INPP5A: variants seen among roughly 807,000 people sequenced by gnomAD.
INPP5A encodes the protein 43 kDa inositol polyphosphate 5-phophatase.
In INPP5A, 14 loss-of-function variants were observed where a neutral mutation model predicts 65.2. The observed-to-expected ratio is 0.21, with a 90% CI of 0.14 to 0.34. INPP5A has a LOEUF of 0.34. INPP5A is among the 10% of genes least tolerant of loss of function. The pLI is 1.00. For missense variants in INPP5A, 431 were observed against 545.6 expected, an observed-to-expected ratio of 0.79 and a Z score of 2.09; for synonymous variants, 207 against 208.3, an observed-to-expected ratio of 0.99 and a Z score of 0.05.
intron 4 of INPP5A, among the ~76,000 whole-genome samples, chr10:132,672,857 C>T (rs899279574): frequency 6.6e-6 from 1 of 152,204 alleles, no homozygotes; most frequent in African/African-American, 2.4e-5. Flanking sequence ...CTTCTACTGT[C>T]CATTCTGTAT....
At chr10:132,730,542 C>G (rs888154290) in intron 9 of INPP5A, among the ~76,000 whole-genome samples, 2 of 152,264 alleles carry the variant, frequency 1.3e-5, no homozygotes, top group African/African-American at 4.8e-5. Flanking sequence ...GGAAGAGCAG[C>G]TCCTGCGTGC....
rs1038000615 is a variant in INPP5A at position 132,707,307 on chromosome 10, G to A, written c.475-1006G>A. Among the ~76,000 whole-genome samples, 1 of 152,064 alleles carries A rather than the reference G, an allele frequency of 6.6e-6. No homozygotes were observed. Among genetic ancestry groups the A allele is most frequent in the Non-Finnish European group, 1.5e-5 (1 of 68,026 alleles). ...GGCTGCTGCTGGGAACGGAATGGGCGGTGCCCTGCCCTGTTGGCTGCCGTT... is the reference window on the plus strand; with the variant it reads ...GGCTGCTGCTGGGAACGGAATGGGCAGTGCCCTGCCCTGTTGGCTGCCGTT... On this transcript the variant is annotated intron_variant, in intron 6 of 15. Transcript: ENST00000368594. This position sits in a 1 kb window ranked among gnomAD's most constrained non-coding sequence, Gnocchi z 5.5.
At chr10:132,592,649 C>T (rs189140704) in intron 1 of INPP5A, among the ~76,000 whole-genome samples, 19 of 152,328 alleles carry the variant, frequency 1.2e-4, no homozygotes, top group Admixed American at 5.9e-4. Flanking sequence ...TCAGGTGATC[C>T]GCCCGCCTTG....
Position 132,782,941 on chromosome 10 carries a change from T to C in INPP5A, c.*912T>C, listed in dbSNP as rs1030170293. ...AAACCGTTTGTCTGTCTTTTGTTACTGTTTTATGGTGCCAAGTATCCTACG... is the reference window on the plus strand; with the variant it reads ...AAACCGTTTGTCTGTCTTTTGTTACCGTTTTATGGTGCCAAGTATCCTACG... On this transcript the variant is annotated 3_prime_UTR_variant, in exon 16 of 16. Coordinates refer to ENST00000368594, the MANE Select transcript of INPP5A (RefSeq NM_005539.5). This position sits in a 1 kb window ranked among gnomAD's most constrained non-coding sequence, Gnocchi z 4.4. The C allele has an allele frequency of 2.0e-5, 3 of 152,470 alleles. No homozygotes were observed. Among genetic ancestry groups the C allele is most frequent in the African/African-American group, 4.8e-5 (2 of 41,468 alleles). The allele number at this position is 152,470 out of a possible 1,614,324, so 9.4% of individuals were successfully genotyped here.
intron 4 of INPP5A, among the ~76,000 whole-genome samples, chr10:132,690,149 C>T (rs563182833): frequency 6.6e-6 from 1 of 152,244 alleles, no homozygotes; most frequent in African/African-American, 2.4e-5. Context: ...GCCCGTGGGA[C>T]TTGCGTCCCT....
intron 12 of INPP5A, among the ~76,000 whole-genome samples, chr10:132,775,842 C>G (rs891028309): frequency 1.3e-5 from 2 of 152,182 alleles, no homozygotes; most frequent in East Asian, 3.9e-4. Context: ...TCTCCGTGCC[C>G]CCAGGGGACG....
chr10:132,660,243 A>G (rs141828072), intron 4 of INPP5A, among the ~76,000 whole-genome samples: 153 of 152,374 alleles, frequency 1.0e-3, no homozygotes, highest in African/African-American at 3.5e-3. Context: ...GGAAAAATTG[A>G]AAAATCAATG....
chr10:132,698,762 T>C lies in INPP5A; in HGVS notation c.474+843T>C, dbSNP rs750106730. On this transcript the variant is annotated intron_variant, in intron 6 of 15. Transcript: ENST00000368594. This position sits in a 1 kb window ranked among gnomAD's most constrained non-coding sequence, Gnocchi z 5.5. Reference sequence around the variant, plus strand: ...CCAGGCTGTGATATAGGAGCTCTCGTCCGGACTTGTCTGCGCAGGCAGCCC... The same window carrying C: ...CCAGGCTGTGATATAGGAGCTCTCGCCCGGACTTGTCTGCGCAGGCAGCCC... Among the ~76,000 whole-genome samples the C allele has an allele frequency of 2.6e-5, 4 of 152,330 alleles. No individual in the cohort carries two copies. Among genetic ancestry groups the C allele is most frequent in the South Asian group, 4.1e-4 (2 of 4,828 alleles).
chr10:132,701,357 G>T (rs1845433980), intron 6 of INPP5A, among the ~76,000 whole-genome samples: 1 of 152,230 alleles, frequency 6.6e-6, no homozygotes, highest in African/African-American at 2.4e-5. Flanking sequence ...CGGAGCCACG[G>T]CCGTCCCATC....
intron 4 of INPP5A, among the ~76,000 whole-genome samples, chr10:132,683,356 A>C (rs756895800): frequency 2.6e-5 from 4 of 151,870 alleles, no homozygotes; most frequent in Non-Finnish European, 4.4e-5. Context: ...TCTGTGTATT[A>C]TATACATATG....
intron 12 of INPP5A, among the ~76,000 whole-genome samples, chr10:132,774,775 G>C (rs1019086036): frequency 6.6e-6 from 1 of 151,374 alleles, no homozygotes; most frequent in Non-Finnish European, 1.5e-5. Flanking sequence ...CTACACAGGG[G>C]CTGCTGCCCG....
chr10:132,601,153 T>C (rs1012127298), intron 1 of INPP5A, among the ~76,000 whole-genome samples: 5 of 152,250 alleles, frequency 3.3e-5, no homozygotes, highest in African/African-American at 9.6e-5. Flanking sequence ...TTATTTTCTC[T>C]TTTCAATTTT....
intron 1 of INPP5A, among the ~76,000 whole-genome samples, chr10:132,568,947 G>A (rs2071305336): frequency 8.0e-6 from 1 of 124,520 alleles, no homozygotes; most frequent in Admixed American, 1.1e-4. Context: ...ACGGAATCTC[G>A]CTCGGTCACC....
At position 132,706,206 on chromosome 10, in the gene INPP5A, GTGTT is replaced by G. The variant is rs1218612295; in HGVS notation, c.475-2100_475-2097del. On this transcript the variant is annotated intron_variant, in intron 6 of 15. Coordinates refer to ENST00000368594, the MANE Select transcript of INPP5A (RefSeq NM_005539.5). This position sits in a 1 kb window ranked among gnomAD's most constrained non-coding sequence, Gnocchi z 4.7. ...ACATAGTCAAGACGGACAAAGATTT[GTGTT>G]TGTTTGGTTGTTTGTATGTTTTTTA... 3.3e-5 allele frequency among the ~76,000 whole-genome samples: 5 copies of G among 152,312 alleles called. No individual in the cohort carries two copies. The highest frequency in any genetic ancestry group is 4.8e-5 in the African/African-American group (2 of 41,564).
Position 132,676,647 on chromosome 10 carries a change from G to A in INPP5A, c.307-13745G>A, listed in dbSNP as rs1181798244. On this transcript the variant is annotated intron_variant, in intron 4 of 15. Coordinates refer to ENST00000368594, the MANE Select transcript of INPP5A (RefSeq NM_005539.5). This position sits in a 1 kb window ranked among gnomAD's most constrained non-coding sequence, Gnocchi z 4.0. ...CCAGTGCTCCGCTCCCTGCGCCCCTGATGAGATGGCAGCCCTGGGCACCTG... is the reference window on the plus strand; with the variant it reads ...CCAGTGCTCCGCTCCCTGCGCCCCTAATGAGATGGCAGCCCTGGGCACCTG... Among the ~76,000 whole-genome samples, 1 of 152,158 alleles carries A rather than the reference G, an allele frequency of 6.6e-6. No individual in the cohort carries two copies. The highest frequency in any genetic ancestry group is 2.4e-5 in the African/African-American group (1 of 41,442).
intron 8 of INPP5A, among the ~76,000 whole-genome samples, chr10:132,726,434 T>A (rs1213478817): frequency 6.6e-6 from 1 of 151,922 alleles, no homozygotes; most frequent in Non-Finnish European, 1.5e-5. Flanking sequence ...GGTGGATTAT[T>A]TGGTTTGTGG....
At chr10:132,582,527 C>T (rs996861510) in intron 1 of INPP5A, among the ~76,000 whole-genome samples, 2 of 151,814 alleles carry the variant, frequency 1.3e-5, no homozygotes, top group Non-Finnish European at 2.9e-5. Context: ...AAGCGATCCT[C>T]CCACCTTAGG....
At chr10:132,765,718 G>A in intron 11 of INPP5A, 55 bp from the exon 12 acceptor site, 2 of 1,026,816 alleles carry the variant, frequency 1.9e-6, no homozygotes, top group Non-Finnish European at 3.1e-6. Context: ...AGACACACGT[G>A]CCCCCAGCGA....
chr10:132,775,803 G>A (rs767049155), intron 12 of INPP5A, among the ~76,000 whole-genome samples: 6 of 152,184 alleles, frequency 3.9e-5, no homozygotes, highest in East Asian at 1.9e-4. Flanking sequence ...GACAGAGGGC[G>A]GCTGTGCTTC....
Sources: allele counts gnomAD v4.1 joint callset (sites outside exome capture counted in the v4.1 genomes callset), GRCh38; gene constraint gnomAD v4.1.1; non-coding constraint Gnocchi (gnomAD v3.1); transcripts MANE v1.5; gene names NCBI Gene and HGNC (gene_info 2026-07-23, HGNC 2026-07-21).